The following TENM1 variants were observed in gnomAD, a reference collection of about 807,000 sequenced individuals.
The protein encoded by TENM1 is teneurin transmembrane protein 1, also known as teneurin-1.
A neutral mutation model predicts 174.8 loss-of-function variants in TENM1; 35 were observed. The observed-to-expected ratio is 0.20, with a 90% CI of 0.15 to 0.27. The LOEUF (loss-of-function observed/expected upper bound fraction) is 0.27, where lower values mean the gene tolerates loss of function less well. TENM1 is among the 10% of genes least tolerant of loss of function. The pLI, the probability that TENM1 is intolerant of heterozygous loss-of-function variation, is 1.00. For missense variants in TENM1, 1,633 were observed against 2,130.1 expected (o/e 0.77, Z 4.59); for synonymous variants, 781 against 798.7 (o/e 0.98, Z 0.37).
At position 124,930,693 on chromosome X, in the gene TENM1, G is replaced by C. The variant is rs1031426347; in HGVS notation, c.217+32844C>G. On this transcript the variant is annotated intron_variant, in intron 1 of 31. Transcript: ENST00000422452. ...AGGGTCCTGCACACTGTGGGGGCTT[G>C]ATAAATGTTATATTGAGAGTCAAAT... Among the ~76,000 whole-genome samples, 15 of 111,576 alleles carry C rather than the reference G, an allele frequency of 1.3e-4. No homozygotes were observed. In the Admixed American group the frequency reaches 1.4e-3, roughly 11 times the overall value.
At chrX:124,654,148 TA>T (rs1174520023) in intron 6 of TENM1, among the ~76,000 whole-genome samples, 2 of 112,044 alleles carry the variant, frequency 1.8e-5, no homozygotes, top group Non-Finnish European at 3.8e-5. Flanking sequence ...CAAGCACATA[TA>T]ACCTCACTGT....
intron 15 of TENM1, among the ~76,000 whole-genome samples, chrX:124,544,504 A>T (rs2048388610): frequency 8.9e-6 from 1 of 112,613 alleles, no homozygotes; most frequent in Admixed American, 9.4e-5. Flanking sequence ...ACAAATGCCC[A>T]AGGACAATTT....
At chrX:124,539,848 G>A (rs1467828954) in intron 15 of TENM1, among the ~76,000 whole-genome samples, 1 of 112,057 alleles carries the variant, frequency 8.9e-6, no homozygotes, top group Admixed American at 9.5e-5. Context: ...TCCAGTGTGT[G>A]TCAATTTTAG....
At position 124,906,444 on chromosome X, in the gene TENM1, T is replaced by C. The variant is rs2057750559; in HGVS notation, c.218-10203A>G. 2.7e-5 allele frequency among the ~76,000 whole-genome samples: 3 copies of C among 112,247 alleles called. No homozygotes were observed. In the South Asian group the frequency reaches 1.1e-3, roughly 41 times the overall value. On this transcript the variant is annotated intron_variant, in intron 1 of 31. Coordinates refer to ENST00000422452, the Ensembl canonical transcript of TENM1. Reference sequence around the variant, plus strand: ...CTTAAATTACTTGGCAACATTTTTATCCTTTTGGGTCTTGCTATTAAGCTT... The same window carrying C: ...CTTAAATTACTTGGCAACATTTTTACCCTTTTGGGTCTTGCTATTAAGCTT...
chrX:125,172,729 T>C, the TENM1 span, among the ~76,000 whole-genome samples: 1 of 111,345 alleles, frequency 9.0e-6, no homozygotes, highest in South Asian at 3.8e-4. Context: ...TACGTCATCA[T>C]ATGTACATGG....
At chrX:125,045,693 A>G in the TENM1 span, among the ~76,000 whole-genome samples, 3,337 of 111,838 alleles carry the variant, frequency 0.03, 138 homozygotes, top group African/African-American at 0.1. Context: ...TCTGCCCATC[A>G]TTGTGACTTC....
chrX:124,690,454 A>C (rs750450094), intron 5 of TENM1, among the ~76,000 whole-genome samples: 1 of 108,709 alleles, frequency 9.2e-6, no homozygotes, highest in Admixed American at 9.9e-5. Context: ...AAATAAAAAA[A>C]TTTTTAGATT....
chrX:125,085,011 C>G, the TENM1 span, among the ~76,000 whole-genome samples: 118 of 110,616 alleles, frequency 1.1e-3, no homozygotes, highest in African/African-American at 3.8e-3. Context: ...GTAAGTGGCA[C>G]ATGTAATTTG....
the TENM1 span, among the ~76,000 whole-genome samples, chrX:125,162,789 T>G: frequency 0.1 from 11,682 of 111,273 alleles, 1,532 homozygotes; most frequent in African/African-American, 0.36. Context: ...CATCTGCAGC[T>G]TGAATCTCTT....
intron 11 of TENM1, among the ~76,000 whole-genome samples, chrX:124,596,667 G>C (rs376537274): frequency 1.8e-5 from 2 of 111,487 alleles, no homozygotes; most frequent in Admixed American, 1.9e-4. Context: ...AATATGTGTC[G>C]TAAGGAGAGT....
chrX:125,067,819 A>G, the TENM1 span, among the ~76,000 whole-genome samples: 1 of 112,306 alleles, frequency 8.9e-6, no homozygotes, highest in African/African-American at 3.2e-5. Flanking sequence ...TCAACTCTTT[A>G]TACTCTTCCT....
chrX:124,563,537 T>C (rs1394570817), intron 13 of TENM1, among the ~76,000 whole-genome samples: 2 of 110,039 alleles, frequency 1.8e-5, no homozygotes, highest in African/African-American at 3.3e-5. Context: ...CATTCTATAC[T>C]ACGGGAAAAA....
At chrX:124,458,482 G>A (rs2061133789) in intron 22 of TENM1, among the ~76,000 whole-genome samples, 1 of 112,210 alleles carries the variant, frequency 8.9e-6, no homozygotes, top group Non-Finnish European at 1.9e-5. Flanking sequence ...TAAACTCACT[G>A]TAATATTATA....
At chrX:125,125,373 CT>C in the TENM1 span, among the ~76,000 whole-genome samples, 1 of 111,794 alleles carries the variant, frequency 8.9e-6, no homozygotes, top group African/African-American at 3.2e-5. Flanking sequence ...ATTTTTTTAA[CT>C]CTGTGGAAGT....
At chrX:125,104,708 T>C in the TENM1 span, among the ~76,000 whole-genome samples, 2 of 110,500 alleles carry the variant, frequency 1.8e-5, no homozygotes, top group South Asian at 7.8e-4. Context: ...TTTGATTACT[T>C]AATCCAGAGC....
intron 1 of TENM1, among the ~76,000 whole-genome samples, chrX:124,941,524 C>G (rs1195421769): frequency 8.9e-6 from 1 of 111,946 alleles, no homozygotes; most frequent in Non-Finnish European, 1.9e-5. Context: ...ACACCAGTCT[C>G]AAATATCAGT....
chrX:124,581,211 C>T (rs2858407), intron 11 of TENM1, among the ~76,000 whole-genome samples: 3 of 107,518 alleles, frequency 2.8e-5, no homozygotes, highest in Non-Finnish European at 3.8e-5. Flanking sequence ...ATTACAGGTG[C>T]GTGCCACCAC....
rs1446270793 is a variant in TENM1, at chrX:124,498,112, C to T, written c.3446-847G>A. Among the ~76,000 whole-genome samples the T allele has an allele frequency of 4.5e-5, 5 of 111,474 alleles. No individual in the cohort carries two copies. In the Admixed American group the frequency reaches 4.8e-4, roughly 11 times the overall value. On this transcript the variant is annotated intron_variant, in intron 19 of 31. Transcript: ENST00000422452. ...AACCCTGCTCTTCCTCTTGTGTTCC[C>T]TAATCATCTTGTGAGTGGTTGTACC...
exon 24 of TENM1, chrX:124,422,302 T>G (rs371676594): frequency 8.3e-7 from 1 of 1,211,202 alleles, no homozygotes; most frequent in African/African-American, 1.7e-5. Context: ...GGATCAATTT[T>G]GCAGTCACAG....
Sources: gnomAD v4.1 joint callset for allele counts (sites outside exome capture counted in the v4.1 genomes callset) on GRCh38, gnomAD v4.1.1 for gene constraint, MANE v1.5 for transcripts, NCBI Gene and HGNC (gene_info 2026-07-23, HGNC 2026-07-21) for gene names.